The following COL25A1 variants were observed in gnomAD, a reference collection of about 807,000 sequenced individuals.
COL25A1 encodes the protein collagen alpha-1(XXV) chain.
COL25A1 carries 103 observed loss-of-function variants against 128.4 expected under a neutral mutation model. The ratio of observed to expected loss-of-function variants is 0.80; its 90% CI spans 0.68 to 0.94. The LOEUF (loss-of-function observed/expected upper bound fraction) is 0.94. Among genes scored for constraint, COL25A1 ranks in the 40% least tolerant of loss-of-function variants. The pLI, the probability that COL25A1 is intolerant of heterozygous loss-of-function variation, is 0.00. For synonymous variants in COL25A1, 279 were observed against 277.2 expected (o/e 1.01, Z -0.06); for missense variants, 745 against 840.0 (o/e 0.89, Z 1.40).
At chr4:109,211,603 A>G (rs1777570004) in intron 3 of COL25A1, among the ~76,000 whole-genome samples, 1 of 151,906 alleles carries the variant, frequency 6.6e-6, no homozygotes, top group African/African-American at 2.4e-5. Flanking sequence ...GAAGATATTC[A>G]GAAAAAAAAC....
At chr4:109,213,846 CTAACA>C (rs1281970970) in intron 3 of COL25A1, among the ~76,000 whole-genome samples, 2 of 152,048 alleles carry the variant, frequency 1.3e-5, no homozygotes, top group African/African-American at 2.4e-5. Context: ...TGAGCTTCAC[CTAACA>C]TGAGAATCTA....
chr4:108,979,775 C>T (rs1388636357), intron 6 of COL25A1, among the ~76,000 whole-genome samples: 1 of 152,188 alleles, frequency 6.6e-6, no homozygotes, highest in Non-Finnish European at 1.5e-5. Context: ...GGCTCACTAT[C>T]AGCCAGGCGA....
At chr4:108,978,288 G>T (rs983746765) in intron 6 of COL25A1, among the ~76,000 whole-genome samples, 2 of 152,208 alleles carry the variant, frequency 1.3e-5, no homozygotes, top group African/African-American at 4.8e-5. Context: ...CTCCGGCCCC[G>T]ACTTGTGCAC....
chr4:109,070,769 A>G (rs1762883545), intron 3 of COL25A1, among the ~76,000 whole-genome samples: 1 of 144,264 alleles, frequency 6.9e-6, no homozygotes, highest in Non-Finnish European at 1.5e-5. Flanking sequence ...CCCAACTATG[A>G]GTGAGAACAT....
intron 3 of COL25A1, among the ~76,000 whole-genome samples, chr4:109,092,854 C>T (rs1285290998): frequency 6.6e-6 from 1 of 152,004 alleles, no homozygotes; most frequent in African/African-American, 2.4e-5. Flanking sequence ...GAGTCTTGGA[C>T]CTCAAGTAAC....
At chr4:108,841,634 A>G in intron 31 of COL25A1, 61 bp downstream of exon 31, 3 of 1,349,966 alleles carry the variant, frequency 2.2e-6, no homozygotes, top group East Asian at 2.3e-5. Flanking sequence ...TGCTTCTGTC[A>G]TGCTTCTCCA....
At chr4:109,276,945 C>T (rs1722909979) in intron 3 of COL25A1, among the ~76,000 whole-genome samples, 1 of 152,208 alleles carries the variant, frequency 6.6e-6, no homozygotes, top group African/African-American at 2.4e-5. Flanking sequence ...CCACTTCTAG[C>T]TCTTGTCCTT....
intron 6 of COL25A1, among the ~76,000 whole-genome samples, chr4:108,993,601 T>C (rs1039533054): frequency 2.6e-5 from 4 of 152,202 alleles, no homozygotes; most frequent in African/African-American, 9.6e-5. Context: ...GACTCACGCC[T>C]GTAATCCCAG....
At chr4:109,073,705 A>T (rs1390024982) in intron 3 of COL25A1, among the ~76,000 whole-genome samples, 2 of 152,190 alleles carry the variant, frequency 1.3e-5, no homozygotes, top group Non-Finnish European at 2.9e-5. Context: ...TGCTTTCCTT[A>T]GAGGCTGAAA....
chr4:109,174,125 G>A lies in COL25A1; in HGVS notation c.368-123946C>T, dbSNP rs796462751. ...GGCTGCTTTCTAAATTCTGTCCATA[G>A]ACTACAAGTAAAAATTTATCACCTT... On this transcript the variant is annotated intron_variant, in intron 3 of 37. Coordinates refer to ENST00000399132, the MANE Select transcript of COL25A1 (RefSeq NM_198721.4). Among the ~76,000 whole-genome samples the A allele has an allele frequency of 3.5e-4, 53 of 152,238 alleles. 1 individual carries two copies. The highest frequency in any genetic ancestry group is 1.2e-3 in the African/African-American group (51 of 41,536).
chr4:109,213,153 C>G (rs1228307682), intron 3 of COL25A1, among the ~76,000 whole-genome samples: 1 of 152,136 alleles, frequency 6.6e-6, no homozygotes, highest in East Asian at 1.9e-4. Flanking sequence ...ATTATTAAAT[C>G]ATGGTATCTA....
chr4:109,032,161 T>G (rs757763949), intron 5 of COL25A1, among the ~76,000 whole-genome samples: 16 of 152,248 alleles, frequency 1.1e-4, no homozygotes, highest in Non-Finnish European at 2.1e-4. Flanking sequence ...TTGAGTGACT[T>G]GTCTAAGATC....
chr4:108,844,653 T>C (rs1461149535), intron 29 of COL25A1, 84 bp from the exon 30 acceptor site: 2 of 1,536,374 alleles, frequency 1.3e-6, no homozygotes, highest in Non-Finnish European at 1.7e-6. Context: ...GGGGTTCTGC[T>C]AAGGCCATTA....
chr4:109,150,484 C>T (rs75758286), intron 3 of COL25A1, among the ~76,000 whole-genome samples: 1,895 of 152,174 alleles, frequency 0.012, 15 homozygotes, highest in Admixed American at 0.019. Flanking sequence ...TTATTTTAGT[C>T]TGGAGGTAAA....
intron 3 of COL25A1, among the ~76,000 whole-genome samples, chr4:109,286,356 T>C (rs1406925045): frequency 6.6e-6 from 1 of 152,144 alleles, no homozygotes; most frequent in African/African-American, 2.4e-5. Context: ...GCAGCTATAA[T>C]GTAGAGGAAA....
chr4:108,929,123 T>C (rs1295305395), intron 11 of COL25A1, among the ~76,000 whole-genome samples: 2 of 144,534 alleles, frequency 1.4e-5, no homozygotes, highest in African/African-American at 5.8e-5. Flanking sequence ...TTCTTTTTTG[T>C]TTTGTTTTGT....
intron 20 of COL25A1, among the ~76,000 whole-genome samples, chr4:108,865,871 T>TA (rs1477805057): frequency 6.6e-6 from 1 of 152,194 alleles, no homozygotes; most frequent in African/African-American, 2.4e-5. Flanking sequence ...TGGACTCAAG[T>TA]AGTCCTCTGG....
chr4:109,062,727 A>C (rs909176595), intron 3 of COL25A1, among the ~76,000 whole-genome samples: 3 of 152,222 alleles, frequency 2.0e-5, no homozygotes, highest in Admixed American at 1.3e-4. Context: ...AATATGACTT[A>C]ATCAGGTTTA....
chr4:109,104,962 G>A (rs1321236670), intron 3 of COL25A1, among the ~76,000 whole-genome samples: 1 of 152,086 alleles, frequency 6.6e-6, no homozygotes, highest in Non-Finnish European at 1.5e-5. Context: ...TTGTGGTTAT[G>A]GTAAATAAAG....
Sources: allele counts gnomAD v4.1 joint callset (sites outside exome capture counted in the v4.1 genomes callset), GRCh38; gene constraint gnomAD v4.1.1; transcripts MANE v1.5; gene names NCBI Gene and HGNC (gene_info 2026-07-23, HGNC 2026-07-21).